The following TLE4 variants were observed in gnomAD, a reference collection of about 807,000 sequenced individuals.
The protein encoded by TLE4 is TLE family member 4, transcriptional corepressor.
Under a neutral mutation model 92.8 loss-of-function variants are expected in TLE4, and 8 were observed. The ratio of observed to expected loss-of-function variants is 0.09; its 90% CI spans 0.05 to 0.16. TLE4 has a LOEUF of 0.16. Among genes scored for constraint, TLE4 ranks in the 10% least tolerant of loss-of-function variants. The pLI, the probability that TLE4 is intolerant of heterozygous loss-of-function variation, is 1.00. For missense variants in TLE4, 675 were observed against 997.6 expected (o/e 0.68, Z 4.36); for synonymous variants, 371 against 374.1 (o/e 0.99, Z 0.10).
intron 3 of TLE4, among the ~76,000 whole-genome samples, chr9:79,575,336 A>C (rs1164367100): frequency 2.0e-5 from 3 of 152,170 alleles, no homozygotes; most frequent in African/African-American, 7.2e-5. Context: ...TAAATGTCTT[A>C]TTATTAAAGA....
intron 4 of TLE4, among the ~76,000 whole-genome samples, chr9:79,590,594 C>T (rs949441447): frequency 6.6e-6 from 1 of 152,120 alleles, no homozygotes; most frequent in Admixed American, 6.5e-5. Context: ...ATAGTAAAGA[C>T]CTGCTTTAGT....
chr9:79,636,310 CA>C (rs956305600), intron 6 of TLE4, among the ~76,000 whole-genome samples: 1 of 152,072 alleles, frequency 6.6e-6, no homozygotes, highest in African/African-American at 2.4e-5. Context: ...AAAAAACAAG[CA>C]AATGAAAAAC....
In TLE4 at chr9:79,706,985, A is replaced by G; in HGVS notation, c.936+86A>G. 3 of 1,569,762 alleles carry G rather than the reference A, an allele frequency of 1.9e-6. No individual in the cohort carries two copies. In the East Asian group the frequency reaches 6.7e-5, roughly 35 times the overall value. ...ATGTTTTTATCTTTATATTTCTCACATTTTTAACAGGACTTTTATTTCCAA... is the reference window on the plus strand; with the variant it reads ...ATGTTTTTATCTTTATATTTCTCACGTTTTTAACAGGACTTTTATTTCCAA... On this transcript the variant is annotated intron_variant, in intron 11 of 19. Coordinates refer to ENST00000376552, the MANE Select transcript of TLE4 (RefSeq NM_007005.6).
intron 6 of TLE4, among the ~76,000 whole-genome samples, chr9:79,646,084 TA>T (rs200396215): frequency 0.03 from 4,495 of 150,154 alleles, 99 homozygotes; most frequent in African/African-American, 0.061. Flanking sequence ...TATATATATA[TA>T]TTTTTTTTAA....
rs369036266 is a variant in TLE4, at chr9:79,693,615, C to T, written c.610-11168C>T. 7.2e-5 allele frequency: 37 copies of T among 515,748 alleles called. 1 individual carries two copies. The highest frequency in any genetic ancestry group is 7.0e-5 in the South Asian group (5 of 71,126). 31.9% of individuals were successfully genotyped at this position (515,748 alleles called of 1,614,324 possible). A position where few individuals can be genotyped will look rare whatever the true frequency, so the allele number is the denominator to read the frequency against. Reference sequence around the variant, plus strand: ...GGGACATGCATGCACACATGCCACACGTGTGCATGCATGGAAAGAGAGAGA... The same window carrying T: ...GGGACATGCATGCACACATGCCACATGTGTGCATGCATGGAAAGAGAGAGA... On this transcript the variant is annotated intron_variant, in intron 8 of 19. Coordinates refer to ENST00000376552, the MANE Select transcript of TLE4 (RefSeq NM_007005.6).
intron 5 of TLE4, among the ~76,000 whole-genome samples, chr9:79,625,267 C>T (rs528528419): frequency 6.6e-6 from 1 of 151,972 alleles, no homozygotes; most frequent in Non-Finnish European, 1.5e-5. Flanking sequence ...GATCCGCCCG[C>T]CTCGGCCTCC....
chr9:79,631,366 A>G (rs2054149429), intron 6 of TLE4, among the ~76,000 whole-genome samples: 1 of 152,224 alleles, frequency 6.6e-6, no homozygotes, highest in Non-Finnish European at 1.5e-5. Flanking sequence ...CAGTGGATTT[A>G]AATCTCTTTC....
chr9:79,665,648 G>C (rs775656927), intron 8 of TLE4, among the ~76,000 whole-genome samples: 6 of 152,158 alleles, frequency 3.9e-5, no homozygotes, highest in Non-Finnish European at 7.3e-5. Context: ...ACTCCCAATC[G>C]GGATATGGGC....
chr9:79,707,167 T>TG (rs768792926), intron 11 of TLE4: 1 of 1,612,984 alleles, frequency 6.2e-7, no homozygotes, highest in East Asian at 2.2e-5. Context: ...TTAGCGAAGA[T>TG]GAACAATGCA....
At chr9:79,688,605 G>T (rs1432603858) in intron 8 of TLE4, among the ~76,000 whole-genome samples, 1 of 151,710 alleles carries the variant, frequency 6.6e-6, no homozygotes, top group Non-Finnish European at 1.5e-5. Flanking sequence ...TAGCTGAACT[G>T]ATGGTGACAC....
chr9:79,707,792 C>A (rs2072098388), intron 11 of TLE4, among the ~76,000 whole-genome samples: 1 of 152,214 alleles, frequency 6.6e-6, no homozygotes, highest in Non-Finnish European at 1.5e-5. Context: ...CCCACAGTTA[C>A]CCCAGTCTTT....
intron 6 of TLE4, chr9:79,649,786 A>G: frequency 1.5e-6 from 2 of 1,357,034 alleles, no homozygotes; most frequent in South Asian, 1.2e-5. Context: ...GGTCCAATGG[A>G]ACGATGAGTC....
intron 8 of TLE4, chr9:79,704,528 T>TG: frequency 2.1e-6 from 1 of 486,470 alleles, no homozygotes; most frequent in Non-Finnish European, 3.6e-6. Flanking sequence ...CTCCTCCCTC[T>TG]GTCCCATCTC....
intron 4 of TLE4, among the ~76,000 whole-genome samples, chr9:79,598,093 A>C (rs999761352): frequency 2.7e-5 from 4 of 150,054 alleles, no homozygotes; most frequent in Admixed American, 6.6e-5. Flanking sequence ...AAAAAAAAAA[A>C]AAAAACTTAC....
intron 4 of TLE4, among the ~76,000 whole-genome samples, chr9:79,586,616 T>C (rs2132173231): frequency 6.6e-6 from 1 of 152,292 alleles, no homozygotes; most frequent in South Asian, 2.1e-4. Context: ...TCTTGCTTTG[T>C]CCCATCAAGG....
At chr9:79,577,283 A>G (rs1298740821) in intron 4 of TLE4, among the ~76,000 whole-genome samples, 4 of 152,204 alleles carry the variant, frequency 2.6e-5, no homozygotes, top group Admixed American at 2.6e-4. Context: ...AACATCCCAG[A>G]TAGTAGATCT....
chr9:79,584,434 T>C (rs2040544690), intron 4 of TLE4, among the ~76,000 whole-genome samples: 1 of 152,202 alleles, frequency 6.6e-6, no homozygotes, highest in Non-Finnish European at 1.5e-5. Flanking sequence ...AAACTGGCTA[T>C]CTGGCATTCC....
chr9:79,574,726 C>T (rs1197614869), intron 2 of TLE4, 147 bp from the exon 3 acceptor site: 1 of 618,918 alleles, frequency 1.6e-6, no homozygotes, highest in Non-Finnish European at 2.8e-6. Flanking sequence ...CCAATCACCC[C>T]TTTCCCCTTC....
intron 4 of TLE4, among the ~76,000 whole-genome samples, chr9:79,581,774 C>A (rs1341957398): frequency 2.6e-5 from 4 of 152,078 alleles, no homozygotes. Context: ...AGATTCAGGC[C>A]CCAGTTCATT....
Sources: gnomAD v4.1 joint callset for allele counts (sites outside exome capture counted in the v4.1 genomes callset) on GRCh38, gnomAD v4.1.1 for gene constraint, MANE v1.5 for transcripts, NCBI Gene and HGNC (gene_info 2026-07-23, HGNC 2026-07-21) for gene names.